PTPRN2: variants seen among roughly 807,000 people sequenced by gnomAD.
PTPRN2 encodes receptor-type tyrosine-protein phosphatase N2.
Under a neutral mutation model 118.8 loss-of-function variants are expected in PTPRN2, and 74 were observed. The observed-to-expected ratio is 0.62, with a 90% CI of 0.52 to 0.76. The LOEUF is 0.76. Among genes scored for constraint, PTPRN2 ranks in the 30% least tolerant of loss-of-function variants. The pLI, the probability that PTPRN2 is intolerant of heterozygous loss-of-function variation, is 0.00. For missense variants in PTPRN2, 1,481 were observed against 1,394.4 expected (o/e 1.06, Z -0.99); for synonymous variants, 641 against 608.0 (o/e 1.05, Z -0.80).
intron 14 of PTPRN2, among the ~76,000 whole-genome samples, chr7:157,638,626 A>G (rs1804471087): frequency 6.6e-6 from 1 of 152,246 alleles, no homozygotes; most frequent in African/African-American, 2.4e-5. Context: ...AGACTATCAG[A>G]GATATTTTAC....
intron 2 of PTPRN2, among the ~76,000 whole-genome samples, chr7:158,461,590 C>G (rs897922734): frequency 6.6e-6 from 1 of 152,094 alleles, no homozygotes; most frequent in Non-Finnish European, 1.5e-5. Flanking sequence ...CCAGTGTTTT[C>G]CAAAGCATAA....
intron 13 of PTPRN2, among the ~76,000 whole-genome samples, chr7:157,662,909 T>C (rs1244053206): frequency 6.6e-6 from 1 of 152,070 alleles, no homozygotes; most frequent in East Asian, 1.9e-4. Context: ...AGGCCTTGCA[T>C]CCACCGCCCA....
At chr7:158,001,753 A>G (rs1220181696) in intron 11 of PTPRN2, among the ~76,000 whole-genome samples, 1 of 152,218 alleles carries the variant, frequency 6.6e-6, no homozygotes, top group Non-Finnish European at 1.5e-5. Context: ...ATCTGTTTAT[A>G]CACAAACAGC....
In PTPRN2 at chr7:157,578,168, G is replaced by A. The variant is rs556478355; in HGVS notation, c.2497-28C>T. ...GCGGACAAAGAAGGCCCGTGGCCGCGGTGTGACTGTCTCATCACCGCGTGA... is the reference window on the plus strand; with the variant it reads ...GCGGACAAAGAAGGCCCGTGGCCGCAGTGTGACTGTCTCATCACCGCGTGA... On this transcript the variant is annotated intron_variant, in intron 17 of 22. Coordinates refer to ENST00000389418, the MANE Select transcript of PTPRN2 (RefSeq NM_002847.5). 3.8e-6 allele frequency: 6 copies of A among 1,587,876 alleles called. No homozygotes were observed. In the African/African-American group the frequency reaches 4.0e-5, roughly 11 times the overall value.
At chr7:157,790,647 CAGAT>C (rs1243151497) in intron 12 of PTPRN2, among the ~76,000 whole-genome samples, 2 of 152,086 alleles carry the variant, frequency 1.3e-5, no homozygotes, top group Non-Finnish European at 2.9e-5. Flanking sequence ...ATTAAAAAGT[CAGAT>C]AGGTCAAAAT....
chr7:157,819,367 C>T (rs896434934), intron 12 of PTPRN2, among the ~76,000 whole-genome samples: 1 of 152,190 alleles, frequency 6.6e-6, no homozygotes, highest in Non-Finnish European at 1.5e-5. Flanking sequence ...TCTGTCGGCT[C>T]GAGTCTGAGC....
At chr7:157,946,901 T>A (rs1800522060) in intron 11 of PTPRN2, among the ~76,000 whole-genome samples, 1 of 152,046 alleles carries the variant, frequency 6.6e-6, no homozygotes, top group South Asian at 2.1e-4. Flanking sequence ...CTGAGAGGCA[T>A]GTGGGATGTG....
At chr7:158,285,580 A>T (rs1277411894) in intron 3 of PTPRN2, among the ~76,000 whole-genome samples, 1 of 152,142 alleles carries the variant, frequency 6.6e-6, no homozygotes, top group Non-Finnish European at 1.5e-5. Context: ...TGACACCAGC[A>T]TCCTGTGTCC....
At chr7:158,280,356 G>T (rs1282100265) in intron 3 of PTPRN2, among the ~76,000 whole-genome samples, 1 of 152,238 alleles carries the variant, frequency 6.6e-6, no homozygotes, top group Non-Finnish European at 1.5e-5. Context: ...CTGCCTGGGG[G>T]TCGGTAAGGA....
At position 158,537,797 on chromosome 7, in the gene PTPRN2, C is replaced by T. The variant is rs181160120; in HGVS notation, c.113-48012G>A. 1.9e-4 allele frequency among the ~76,000 whole-genome samples: 29 copies of T among 152,354 alleles called. 1 individual carries two copies. Among genetic ancestry groups the T allele is most frequent in the Non-Finnish European group, 2.1e-4 (14 of 68,032 alleles). On this transcript the variant is annotated intron_variant, in intron 1 of 22. Transcript: ENST00000389418. ...TTAGGCTAAATGACCCTTACATTAC[C>T]AGTTTATCTCACCAGCGCTTTCAGC...
At chr7:157,768,579 G>A (rs1432293055) in intron 12 of PTPRN2, among the ~76,000 whole-genome samples, 1 of 152,128 alleles carries the variant, frequency 6.6e-6, no homozygotes, top group African/African-American at 2.4e-5. Flanking sequence ...AGGGGGCTGC[G>A]ACGCCCCAGC....
At position 158,310,943 on chromosome 7, in the gene PTPRN2, G is replaced by T. The variant is rs375473490; in HGVS notation, c.277+5876C>A. Among the ~76,000 whole-genome samples the T allele has an allele frequency of 3.3e-5, 5 of 152,346 alleles. 1 individual carries two copies. In the South Asian group the frequency reaches 1.0e-3, roughly 32 times the overall value. On this transcript the variant is annotated intron_variant, in intron 3 of 22. Coordinates refer to ENST00000389418, the MANE Select transcript of PTPRN2 (RefSeq NM_002847.5). ...ACACACCCACCTGTGCTCACCAGAC[G>T]TGAGCCAGACGTTCTCCCTCCCCAA...
rs4144247 is a variant in PTPRN2 at position 157,930,218 on chromosome 7, C to T, written c.1724-31481G>A. On this transcript the variant is annotated intron_variant, in intron 11 of 22. Coordinates refer to ENST00000389418, the MANE Select transcript of PTPRN2 (RefSeq NM_002847.5). ...TGGGAGCTATAAACTAGAAGTCCCACGCTTCTCCTCCCCCAGGTTCACTTG... is the reference window on the plus strand; with the variant it reads ...TGGGAGCTATAAACTAGAAGTCCCATGCTTCTCCTCCCCCAGGTTCACTTG... Among the ~76,000 whole-genome samples, 1,275 of 152,278 alleles carry T rather than the reference C, an allele frequency of 8.4e-3. 67 individuals carry two copies. In the East Asian group the frequency reaches 0.15, roughly 18 times the overall value.
chr7:158,149,198 T>A (rs867615962), intron 6 of PTPRN2, among the ~76,000 whole-genome samples: 1 of 148,490 alleles, frequency 6.7e-6, no homozygotes, highest in East Asian at 2.0e-4. Context: ...CCTCCTCAAG[T>A]GCACGAGTGT....
intron 12 of PTPRN2, among the ~76,000 whole-genome samples, chr7:157,842,919 T>C (rs551656669): frequency 3.8e-4 from 58 of 152,298 alleles, no homozygotes; most frequent in African/African-American, 1.4e-3. Flanking sequence ...ATTAGGAATA[T>C]CTTCCTCAGA....
chr7:158,333,704 T>G (rs1258747215), intron 2 of PTPRN2, among the ~76,000 whole-genome samples: 1 of 149,160 alleles, frequency 6.7e-6, no homozygotes, highest in African/African-American at 2.5e-5. Flanking sequence ...ACTGTCACCA[T>G]AAGAGCTGAG....
At chr7:158,152,569 G>A (rs1008216016) in intron 6 of PTPRN2, among the ~76,000 whole-genome samples, 1 of 152,210 alleles carries the variant, frequency 6.6e-6, no homozygotes, top group African/African-American at 2.4e-5. Context: ...GGGAAGTGCT[G>A]GGTTGAGGAA....
chr7:157,737,529 C>G (rs1254417657), intron 12 of PTPRN2, among the ~76,000 whole-genome samples: 1 of 152,252 alleles, frequency 6.6e-6, no homozygotes, highest in Non-Finnish European at 1.5e-5. Context: ...CTGAGCTTCC[C>G]TGGTTATCCC....
chr7:157,644,545 C>T (rs1435821126), intron 14 of PTPRN2, among the ~76,000 whole-genome samples: 1 of 152,184 alleles, frequency 6.6e-6, no homozygotes, highest in African/African-American at 2.4e-5. Context: ...TGCCTGTAAT[C>T]CCAGCACTTT....
Sources: allele counts gnomAD v4.1 joint callset (sites outside exome capture counted in the v4.1 genomes callset), GRCh38; gene constraint gnomAD v4.1.1; transcripts MANE v1.5; gene names NCBI Gene and HGNC (gene_info 2026-07-23, HGNC 2026-07-21).